SLC9A9: variants seen among roughly 807,000 people sequenced by gnomAD.
SLC9A9 encodes solute carrier family 9 member A9.
A neutral mutation model predicts 77.8 loss-of-function variants in SLC9A9; 62 were observed. That is an observed-to-expected ratio of 0.80 (90% CI 0.65 to 0.98). The LOEUF (loss-of-function observed/expected upper bound fraction) is 0.98, where lower values mean the gene tolerates loss of function less well. SLC9A9 is among the 50% of genes least tolerant of loss of function. The pLI is 0.00. For synonymous variants in SLC9A9, 320 were observed against 283.5 expected (o/e 1.13, Z -1.29); for missense variants, 775 against 774.9 (o/e 1.00, Z 0.00).
chr3:143,291,162 G>A (rs560968268), intron 14 of SLC9A9, among the ~76,000 whole-genome samples: 1 of 152,280 alleles, frequency 6.6e-6, no homozygotes, highest in East Asian at 1.9e-4. Flanking sequence ...TAGGGAAGTT[G>A]ATAAAGCTCA....
At chr3:143,513,270 G>A (rs113781947) in intron 9 of SLC9A9, among the ~76,000 whole-genome samples, 3,094 of 152,236 alleles carry the variant, frequency 0.02, 99 homozygotes, top group African/African-American at 0.069. Context: ...TAAATCTTTT[G>A]TTGTCATTTC....
intron 2 of SLC9A9, among the ~76,000 whole-genome samples, chr3:143,828,844 G>A (rs940957057): frequency 2.6e-5 from 4 of 152,188 alleles, no homozygotes; most frequent in African/African-American, 9.7e-5. Flanking sequence ...AAGAACAAAC[G>A]CAGCATCTCT....
chr3:143,597,251 T>C (rs1251221719), intron 6 of SLC9A9, among the ~76,000 whole-genome samples: 1 of 152,184 alleles, frequency 6.6e-6, no homozygotes, highest in Admixed American at 6.5e-5. Flanking sequence ...AAGGTATAAC[T>C]GTCCTGCTGA....
intron 12 of SLC9A9, among the ~76,000 whole-genome samples, chr3:143,401,690 A>G (rs1438186867): frequency 6.6e-6 from 1 of 152,184 alleles, no homozygotes; most frequent in Non-Finnish European, 1.5e-5. Flanking sequence ...GACTGTTCCT[A>G]TTCCTAGGCT....
intron 6 of SLC9A9, among the ~76,000 whole-genome samples, chr3:143,623,355 T>C (rs1323785447): frequency 1.3e-5 from 2 of 152,290 alleles, no homozygotes; most frequent in East Asian, 3.9e-4. Flanking sequence ...ATTGACCACA[T>C]AGTTGGAAGT....
chr3:143,789,954 A>G (rs780986080), intron 4 of SLC9A9, among the ~76,000 whole-genome samples: 1 of 152,168 alleles, frequency 6.6e-6, no homozygotes, highest in Non-Finnish European at 1.5e-5. Flanking sequence ...TCTAGCTGAT[A>G]TGGTTTGGCT....
At chr3:143,422,372 G>C (rs942740766) in intron 12 of SLC9A9, among the ~76,000 whole-genome samples, 6 of 152,182 alleles carry the variant, frequency 3.9e-5, no homozygotes, top group African/African-American at 1.4e-4. Context: ...CGGTGGATTG[G>C]ATAAAGAAAA....
intron 12 of SLC9A9, among the ~76,000 whole-genome samples, chr3:143,442,086 G>C (rs778342799): frequency 1.3e-5 from 2 of 152,102 alleles, no homozygotes; most frequent in Non-Finnish European, 2.9e-5. Context: ...ACCATTCTGG[G>C]TGGTTTGGCC....
In SLC9A9 at chr3:143,535,036, A is replaced by G. The variant is rs553420853; in HGVS notation, c.1089+17326T>C. Among the ~76,000 whole-genome samples the G allele has an allele frequency of 4.6e-5, 7 of 152,346 alleles. No individual in the cohort carries two copies. In the South Asian group the frequency reaches 1.2e-3, roughly 27 times the overall value. The stretch of plus-strand genomic sequence containing the variant: ...TGATAGAAAAAGTAACTTTGATCAC[A>G]TGAATCATATACATGTTTGGGTGGA... On this transcript the variant is annotated intron_variant, in intron 9 of 15. Coordinates refer to ENST00000316549, the MANE Select transcript of SLC9A9 (RefSeq NM_173653.4).
rs1266020805 is a variant in SLC9A9 at position 143,266,015 on chromosome 3, G to A, written c.*687C>T. On this transcript the variant is annotated 3_prime_UTR_variant, in exon 16 of 16. Coordinates refer to ENST00000316549, the MANE Select transcript of SLC9A9 (RefSeq NM_173653.4). ...GGTTTTCTTGGAATGGTCCTACTAA[G>A]CTTGAAAGTGGTGCTGCATTTAGGG... 5.7e-6 allele frequency: 4 copies of A among 701,466 alleles called. No homozygotes were observed. The highest frequency in any genetic ancestry group is 3.0e-5 in the South Asian group (2 of 67,462). 43.5% of individuals were successfully genotyped at this position (701,466 alleles called of 1,614,324 possible).
chr3:143,391,626 G>A (rs1239555529), intron 12 of SLC9A9, among the ~76,000 whole-genome samples: 1 of 152,244 alleles, frequency 6.6e-6, no homozygotes, highest in Non-Finnish European at 1.5e-5. Context: ...GTTGAGAGAA[G>A]AAGGCTTCAA....
intron 6 of SLC9A9, among the ~76,000 whole-genome samples, chr3:143,595,910 C>G (rs985987086): frequency 1.3e-5 from 2 of 152,150 alleles, no homozygotes; most frequent in African/African-American, 4.8e-5. Context: ...ACAATAGATT[C>G]TAATATGCTG....
chr3:143,659,671 C>T (rs1428933358), intron 5 of SLC9A9, among the ~76,000 whole-genome samples: 1 of 152,196 alleles, frequency 6.6e-6, no homozygotes, highest in African/African-American at 2.4e-5. Flanking sequence ...AATCCCCTAT[C>T]CCTGTCATCA....
At chr3:143,601,322 C>A (rs1357804630) in intron 6 of SLC9A9, among the ~76,000 whole-genome samples, 1 of 152,112 alleles carries the variant, frequency 6.6e-6, no homozygotes, top group Non-Finnish European at 1.5e-5. Flanking sequence ...TAACCCTCCC[C>A]ACCCCCAAAT....
At chr3:143,606,434 CTCTA>C (rs1306103247) in intron 6 of SLC9A9, among the ~76,000 whole-genome samples, 143 of 52,948 alleles carry the variant, frequency 2.7e-3, no homozygotes, top group African/African-American at 5.5e-3. Flanking sequence ...CTCTCTCTCT[CTCTA>C]TATATATATA....
chr3:143,507,039 G>T (rs2036031787), intron 9 of SLC9A9, among the ~76,000 whole-genome samples: 1 of 151,720 alleles, frequency 6.6e-6, no homozygotes, highest in Non-Finnish European at 1.5e-5. Context: ...TTTATTTAGA[G>T]ATTGCTGACC....
At chr3:143,614,595 T>G (rs770012343) in intron 6 of SLC9A9, among the ~76,000 whole-genome samples, 1 of 152,166 alleles carries the variant, frequency 6.6e-6, no homozygotes, top group Non-Finnish European at 1.5e-5. Flanking sequence ...TTGGATCATG[T>G]CTTTACTCTC....
intron 12 of SLC9A9, among the ~76,000 whole-genome samples, chr3:143,446,478 A>G (rs1417394624): frequency 1.3e-5 from 2 of 152,168 alleles, no homozygotes; most frequent in African/African-American, 4.8e-5. Context: ...GGGTTAGGGC[A>G]CTTCGGGATG....
chr3:143,542,805 A>T (rs1303735155), intron 9 of SLC9A9, among the ~76,000 whole-genome samples: 2 of 152,250 alleles, frequency 1.3e-5, no homozygotes, highest in Admixed American at 1.3e-4. Flanking sequence ...GAAAGAATTT[A>T]TCTAGCTCCT....
Sources: gnomAD v4.1 joint callset for allele counts (sites outside exome capture counted in the v4.1 genomes callset) on GRCh38, gnomAD v4.1.1 for gene constraint, MANE v1.5 for transcripts, NCBI Gene and HGNC (gene_info 2026-07-23, HGNC 2026-07-21) for gene names.